The following PPA1 variants were observed in gnomAD, a reference collection of about 807,000 sequenced individuals.
PPA1 encodes the protein inorganic pyrophosphatase 1.
PPA1 carries 23 observed loss-of-function variants against 41.8 expected under a neutral mutation model. The ratio of observed to expected loss-of-function variants is 0.55; its 90% CI spans 0.40 to 0.78. PPA1 has a LOEUF of 0.78. PPA1 is among the 30% of genes least tolerant of loss of function. The pLI, the probability that PPA1 is intolerant of heterozygous loss-of-function variation, is 0.00. For missense variants in PPA1, 320 were observed against 361.6 expected (o/e 0.89, Z 0.93); for synonymous variants, 101 against 116.8 (o/e 0.86, Z 0.87).
At chr10:70,206,216 G>A in intron 9 of PPA1, 48 bp downstream of exon 9, 1 of 1,454,852 alleles carries the variant, frequency 6.9e-7, no homozygotes, top group Non-Finnish European at 9.6e-7. Flanking sequence ...TAGCATCATA[G>A]TTTTTAGCAA....
At chr10:70,227,900 T>C (rs1044187388) in intron 2 of PPA1, among the ~76,000 whole-genome samples, 1 of 152,040 alleles carries the variant, frequency 6.6e-6, no homozygotes, top group Non-Finnish European at 1.5e-5. Flanking sequence ...TCACAATAGA[T>C]TTTTTATACA....
At chr10:70,229,282 T>C (rs1160503297) in intron 2 of PPA1, among the ~76,000 whole-genome samples, 1 of 152,050 alleles carries the variant, frequency 6.6e-6, no homozygotes, top group Non-Finnish European at 1.5e-5. Flanking sequence ...TCATAACTAT[T>C]TTGATATATA....
At chr10:70,212,960 T>C (rs1201311057) in intron 6 of PPA1, among the ~76,000 whole-genome samples, 1 of 151,988 alleles carries the variant, frequency 6.6e-6, no homozygotes, top group Admixed American at 6.6e-5. Flanking sequence ...AATAACAGCA[T>C]AGGCAAATCC....
At chr10:70,223,922 C>T (rs1302162025) in intron 2 of PPA1, among the ~76,000 whole-genome samples, 1 of 152,118 alleles carries the variant, frequency 6.6e-6, no homozygotes, top group Non-Finnish European at 1.5e-5. Context: ...TCCTACCATG[C>T]TTTGGAGTCT....
chr10:70,210,916 C>A (rs10999187), intron 6 of PPA1, among the ~76,000 whole-genome samples: 1 of 151,960 alleles, frequency 6.6e-6, no homozygotes, highest in Non-Finnish European at 1.5e-5. Flanking sequence ...CAGGTGCCCA[C>A]CACCATGCCT....
rs11382289 is a variant in PPA1, at chr10:70,227,650, CAAAAAAAA to C, written c.123+2683_123+2690del. ...TGAGTGACAAAGTGAAACCCTATCT[CAAAAAAAA>C]AAAAAAAAAAAAAAAAAGTCTGATA... On this transcript the variant is annotated intron_variant, in intron 2 of 10. Transcript: ENST00000373232. Among the ~76,000 whole-genome samples, 33 of 75,124 alleles carry C rather than the reference CAAAAAAAA, an allele frequency of 4.4e-4. No individual in the cohort carries two copies. In the East Asian group the frequency reaches 0.014, roughly 31 times the overall value. The allele number at this position is 75,124 out of a possible 152,430, so 49.3% of individuals were successfully genotyped here. A position where few individuals can be genotyped will look rare whatever the true frequency, so the allele number is the denominator to read the frequency against.
intron 6 of PPA1, 21 bp downstream of exon 6, chr10:70,213,442 A>C (rs765811787): frequency 6.2e-7 from 1 of 1,613,178 alleles, no homozygotes; most frequent in African/African-American, 1.3e-5. Context: ...GAAAGACTTC[A>C]GACTTTTCAA....
chr10:70,232,348 T>C (rs1468209428), intron 1 of PPA1, among the ~76,000 whole-genome samples: 2 of 152,130 alleles, frequency 1.3e-5, no homozygotes, highest in Non-Finnish European at 2.9e-5. Context: ...AACGCCTCCG[T>C]TATCGCCCAT....
rs915611549 is a variant in PPA1 at position 70,233,377 on chromosome 10, G to A, written c.-50C>T. On this transcript the variant is annotated 5_prime_UTR_variant, in exon 1 of 11. Coordinates refer to ENST00000373232, the MANE Select transcript of PPA1 (RefSeq NM_021129.4). Reference sequence around the variant, plus strand: ...CTGCCACAGAGCCACCAGCCCGCACGCGGCGCCGACTGACAAGGAGAGAGC... The same window carrying A: ...CTGCCACAGAGCCACCAGCCCGCACACGGCGCCGACTGACAAGGAGAGAGC... The A allele has an allele frequency of 5.2e-6, 8 of 1,526,206 alleles. No homozygotes were observed. The Admixed American group carries it at 1.2e-4, about 23-fold the overall frequency. 94.5% of individuals were successfully genotyped at this position (1,526,206 alleles called of 1,614,324 possible).
chr10:70,222,696 T>C (rs1430861099), intron 2 of PPA1, among the ~76,000 whole-genome samples: 3 of 152,130 alleles, frequency 2.0e-5, no homozygotes, highest in Non-Finnish European at 4.4e-5. Context: ...ATTATTATAC[T>C]TTAAGTTTTA....
rs78768347 is a variant in PPA1 at position 70,208,288 on chromosome 10, A to C, written c.725+917T>G. On this transcript the variant is annotated intron_variant, in intron 8 of 10. Coordinates refer to ENST00000373232, the MANE Select transcript of PPA1 (RefSeq NM_021129.4). ...CATACATTAAGACCATTTTCATAGA[A>C]ATCGTAAGATACGAAAAAATAGAGA... Among the ~76,000 whole-genome samples, 13 of 152,326 alleles carry C rather than the reference A, an allele frequency of 8.5e-5. No individual in the cohort carries two copies. In the East Asian group the frequency reaches 2.5e-3, roughly 29 times the overall value.
At chr10:70,218,686 T>C (rs1840104264) in intron 3 of PPA1, 78 bp downstream of exon 3, 20 of 1,159,926 alleles carry the variant, frequency 1.7e-5, no homozygotes, top group Middle Eastern at 1.9e-4. Flanking sequence ...GTTCAGATGG[T>C]TCATCCTTGA....
chr10:70,206,862 G>C (rs892943680), intron 8 of PPA1, among the ~76,000 whole-genome samples: 1 of 88,398 alleles, frequency 1.1e-5, no homozygotes, highest in African/African-American at 5.2e-5. Flanking sequence ...GAGAGGAGAG[G>C]AGAGGAGGGG....
At chr10:70,215,074 A>G (rs1298394887) in intron 4 of PPA1, among the ~76,000 whole-genome samples, 1 of 152,196 alleles carries the variant, frequency 6.6e-6, no homozygotes, top group Non-Finnish European at 1.5e-5. Flanking sequence ...GCATGCCTGT[A>G]ATCCCAGCTA....
chr10:70,221,053 ATAATTTATATATATATATATATATT>A (rs1840156581), intron 2 of PPA1, among the ~76,000 whole-genome samples: 5 of 51,522 alleles, frequency 9.7e-5, no homozygotes, highest in African/African-American at 5.9e-4. Flanking sequence ...ATATATATAT[ATAATTTATATATATATATATATATT>A]TTTTTTTTTT....
intron 6 of PPA1, chr10:70,210,452 T>A: frequency 2.2e-6 from 3 of 1,359,646 alleles, no homozygotes; most frequent in Non-Finnish European, 3.0e-6. Flanking sequence ...TAGATTGATA[T>A]CCATTGATGG....
chr10:70,217,983 C>G (rs1447901554), intron 3 of PPA1, 52 bp from the exon 4 acceptor site: 5 of 1,429,740 alleles, frequency 3.5e-6, no homozygotes, highest in Non-Finnish European at 4.7e-6. Context: ...AAATACTATT[C>G]AAATAAGGAT....
chr10:70,220,862 TA>T (rs1197692088), intron 2 of PPA1, among the ~76,000 whole-genome samples: 5 of 48,402 alleles, frequency 1.0e-4, no homozygotes, highest in South Asian at 6.1e-4. Flanking sequence ...ATATAATTCT[TA>T]TATATATAAT....
At chr10:70,218,625 G>T (rs1051287967) in intron 3 of PPA1, 139 bp downstream of exon 3, 2 of 662,128 alleles carry the variant, frequency 3.0e-6, no homozygotes, top group African/African-American at 1.8e-5. Context: ...AGTAGGCAAT[G>T]GGAGATACAA....
Sources: gnomAD v4.1 joint callset for allele counts (sites outside exome capture counted in the v4.1 genomes callset) on GRCh38, gnomAD v4.1.1 for gene constraint, MANE v1.5 for transcripts, NCBI Gene and HGNC (gene_info 2026-07-23, HGNC 2026-07-21) for gene names.